KALRN: variants seen among roughly 807,000 people sequenced by gnomAD.
KALRN encodes kalirin RhoGEF kinase, also known as kalirin.
In KALRN, 70 loss-of-function variants were observed where a neutral mutation model predicts 353.7. The observed-to-expected ratio is 0.20, with a 90% confidence interval of 0.16 to 0.24. KALRN has a LOEUF of 0.24. KALRN is among the 10% of genes least tolerant of loss of function. The pLI, the probability that KALRN is intolerant of heterozygous loss-of-function variation, is 1.00. For synonymous variants in KALRN, 1,391 were observed against 1,434.8 expected (o/e 0.97, Z 0.69); for missense variants, 2,791 against 3,756.7 (o/e 0.74, Z 6.72).
intron 1 of KALRN, among the ~76,000 whole-genome samples, chr3:124,118,596 C>G (rs143195526): frequency 5.4e-4 from 83 of 152,322 alleles, no homozygotes; most frequent in African/African-American, 2.0e-3. Flanking sequence ...GACTTCTGTG[C>G]ATCTCTCTAT....
intron 33 of KALRN, among the ~76,000 whole-genome samples, chr3:124,544,748 T>C (rs6764701): frequency 0.37 from 55,761 of 151,986 alleles, 10,655 homozygotes; most frequent in African/African-American, 0.48. Context: ...TTGTGTTCAG[T>C]GCTGTATCCC....
chr3:124,719,371 C>T lies in KALRN; in HGVS notation c.8862C>T (p.Arg2954=), dbSNP rs993600188. The change falls in exon 60 of 60, where the codon CGC becomes CGT. Residue 2954 remains arginine (R), a synonymous_variant. Coordinates refer to ENST00000682506, the MANE Select transcript of KALRN (RefSeq NM_001388419.1). The surrounding 1 kb of genome is among the most constrained non-coding windows in gnomAD (Gnocchi z 5.3). The part of the protein sequence containing the change: ...SYSKIPLDTS[R]LACFIERRKH... ...CTAAGATCCCCCTGGACACCTCCCGCCTAGCATGCTTCATAGAACGTCGCA... is the reference window on the plus strand; with the variant it reads ...CTAAGATCCCCCTGGACACCTCCCGTCTAGCATGCTTCATAGAACGTCGCA... The T allele has an allele frequency of 6.2e-7, 1 of 1,614,194 alleles. No individual in the cohort carries two copies. Among genetic ancestry groups the T allele is most frequent in the Non-Finnish European group, 8.5e-7 (1 of 1,180,042 alleles).
intron 1 of KALRN, among the ~76,000 whole-genome samples, chr3:124,160,087 AT>A (rs2069677735): frequency 6.6e-6 from 1 of 151,602 alleles, no homozygotes; most frequent in Non-Finnish European, 1.5e-5. Flanking sequence ...AAATCTTAGA[AT>A]GTGACCTTAC....
chr3:124,649,308 A>G (rs1382101616), intron 37 of KALRN, among the ~76,000 whole-genome samples: 1 of 152,172 alleles, frequency 6.6e-6, no homozygotes, highest in Admixed American at 6.5e-5. Flanking sequence ...CATCATGACA[A>G]TACTCCAAGT....
At chr3:124,089,874 C>G (rs954877434) in intron 1 of KALRN, among the ~76,000 whole-genome samples, 2 of 152,188 alleles carry the variant, frequency 1.3e-5, no homozygotes, top group Non-Finnish European at 2.9e-5. Context: ...ACCCCCACCA[C>G]TGCTTACCTA....
chr3:124,166,973 A>T (rs2070964648), intron 1 of KALRN, among the ~76,000 whole-genome samples: 1 of 152,130 alleles, frequency 6.6e-6, no homozygotes, highest in Non-Finnish European at 1.5e-5. Context: ...TGAATCTGGG[A>T]GGCAGAGGTT....
chr3:124,597,073 A>T (rs201804760), intron 34 of KALRN, among the ~76,000 whole-genome samples: 2 of 74,350 alleles, frequency 2.7e-5, no homozygotes, highest in South Asian at 7.4e-4. Context: ...CAAAAACACA[A>T]ACAAAACAAA....
chr3:124,150,207 C>T (rs940549159), intron 1 of KALRN, among the ~76,000 whole-genome samples: 11 of 152,094 alleles, frequency 7.2e-5, no homozygotes, highest in African/African-American at 2.4e-4. Flanking sequence ...TAAAAGTAAA[C>T]CAAACAAAAT....
chr3:124,710,202 A>T (rs1042789611), intron 57 of KALRN, among the ~76,000 whole-genome samples: 2 of 152,258 alleles, frequency 1.3e-5, no homozygotes, highest in African/African-American at 2.4e-5. Flanking sequence ...CAAAAAGGAA[A>T]AGTATTCATA....
At chr3:124,704,365 A>G (rs1452814989) in intron 57 of KALRN, among the ~76,000 whole-genome samples, 1 of 152,148 alleles carries the variant, frequency 6.6e-6, no homozygotes, top group Non-Finnish European at 1.5e-5. Flanking sequence ...CTGATTTGAT[A>G]TTTCTCAAAG....
intron 57 of KALRN, among the ~76,000 whole-genome samples, chr3:124,704,270 C>T (rs985824774): frequency 9.2e-5 from 14 of 152,164 alleles, no homozygotes; most frequent in Non-Finnish European, 1.9e-4. Flanking sequence ...TTTCATCACC[C>T]GGATGCCCCA....
At chr3:124,350,002 G>C (rs2082682842) in intron 10 of KALRN, among the ~76,000 whole-genome samples, 2 of 152,180 alleles carry the variant, frequency 1.3e-5, no homozygotes, top group South Asian at 2.1e-4. Flanking sequence ...CCTGTGGGCT[G>C]TCCTATGCCT....
At chr3:124,172,328 A>G (rs2071967242) in intron 1 of KALRN, among the ~76,000 whole-genome samples, 2 of 152,272 alleles carry the variant, frequency 1.3e-5, no homozygotes, top group South Asian at 4.1e-4. Context: ...GATTGTTGTG[A>G]GCAGGGCTTA....
chr3:124,403,683 C>T (rs2091155499), intron 13 of KALRN, among the ~76,000 whole-genome samples: 1 of 152,178 alleles, frequency 6.6e-6, no homozygotes, highest in East Asian at 1.9e-4. Context: ...ATTAGTTGCA[C>T]ACAGAGGCCC....
At chr3:124,675,467 T>C (rs773058502) in intron 49 of KALRN, 1 of 152,148 alleles carries the variant, frequency 6.6e-6, no homozygotes, top group Non-Finnish European at 1.5e-5. Context: ...GTTTCACTAT[T>C]CTTGGACTTT....
At chr3:124,567,864 A>G (rs1226630589) in intron 34 of KALRN, among the ~76,000 whole-genome samples, 2 of 152,162 alleles carry the variant, frequency 1.3e-5, no homozygotes, top group African/African-American at 2.4e-5. Context: ...AGTCCCAGCT[A>G]TTCAGGAGGC....
chr3:124,250,658 C>T (rs1196536985), intron 3 of KALRN, among the ~76,000 whole-genome samples: 2 of 152,072 alleles, frequency 1.3e-5, no homozygotes. Context: ...TTCATATAGC[C>T]TGACTAAGGG....
At chr3:124,371,005 G>T (rs2085760185) in intron 10 of KALRN, among the ~76,000 whole-genome samples, 1 of 152,240 alleles carries the variant, frequency 6.6e-6, no homozygotes, top group Admixed American at 6.5e-5. Flanking sequence ...TTAGGGCATT[G>T]TCCCCATAAA....
chr3:124,662,175 T>C (rs1396669925), intron 45 of KALRN, among the ~76,000 whole-genome samples: 2 of 150,516 alleles, frequency 1.3e-5, no homozygotes, highest in Non-Finnish European at 2.9e-5. Context: ...TCCAAGGAGA[T>C]TGGAAAGACC....
Sources: gnomAD v4.1 joint callset for allele counts (sites outside exome capture counted in the v4.1 genomes callset) on GRCh38, gnomAD v4.1.1 for gene constraint, Gnocchi (gnomAD v3.1) non-coding constraint, MANE v1.5 for transcripts, NCBI Gene and HGNC (gene_info 2026-07-23, HGNC 2026-07-21) for gene names.